Variants in PLXDC2 observed in about 807,000 individuals in gnomAD.
PLXDC2 encodes the protein plexin domain containing 2.
A neutral mutation model predicts 68.9 loss-of-function variants in PLXDC2; 40 were observed. That is an observed-to-expected ratio of 0.58 (90% CI 0.45 to 0.76). PLXDC2 has a LOEUF of 0.76. Ranked by LOEUF, PLXDC2 falls within the 30% of genes least tolerant of loss-of-function variation. PLXDC2 has a pLI of 0.00. For missense variants in PLXDC2, 644 were observed against 661.9 expected (o/e 0.97, Z 0.30); for synonymous variants, 243 against 234.2 (o/e 1.04, Z -0.34).
At chr10:19,819,573 A>G (rs1027489193) in intron 1 of PLXDC2, among the ~76,000 whole-genome samples, 2 of 152,264 alleles carry the variant, frequency 1.3e-5, no homozygotes, top group Admixed American at 6.5e-5. Context: ...ATCTGATTTC[A>G]TAACAGGGAC....
chr10:20,047,196 A>G (rs1245930527), intron 3 of PLXDC2, among the ~76,000 whole-genome samples, 181 bp downstream of exon 3: 1 of 152,182 alleles, frequency 6.6e-6, no homozygotes, highest in African/African-American at 2.4e-5. Context: ...TACTGCATAT[A>G]AGATATTAAA....
At chr10:19,910,591 C>CT (rs1006322581) in intron 1 of PLXDC2, among the ~76,000 whole-genome samples, 6,257 of 92,302 alleles carry the variant, frequency 0.068, 376 homozygotes, top group African/African-American at 0.15. Context: ...TAAGTGGTTG[C>CT]TTTTTTTTTT....
At chr10:19,949,074 C>T (rs1051843741) in intron 1 of PLXDC2, among the ~76,000 whole-genome samples, 4 of 128,874 alleles carry the variant, frequency 3.1e-5, no homozygotes, top group Admixed American at 2.7e-4. Flanking sequence ...TTGCAGTGAA[C>T]CAAGATTGCA....
intron 11 of PLXDC2, among the ~76,000 whole-genome samples, chr10:20,218,595 T>C (rs976928340): frequency 6.6e-6 from 1 of 152,128 alleles, no homozygotes; most frequent in Non-Finnish European, 1.5e-5. Flanking sequence ...TTATATAGAA[T>C]TTTGGTCATC....
At chr10:20,178,649 C>T (rs1378027682) in intron 9 of PLXDC2, among the ~76,000 whole-genome samples, 1 of 152,086 alleles carries the variant, frequency 6.6e-6, no homozygotes, top group Admixed American at 6.6e-5. Context: ...TAAAGACATG[C>T]TCCAGGAATA....
chr10:19,970,460 T>A (rs939538002), intron 1 of PLXDC2, among the ~76,000 whole-genome samples: 5 of 152,218 alleles, frequency 3.3e-5, no homozygotes, highest in Non-Finnish European at 2.9e-5. Context: ...ATAACTGTCA[T>A]GTGAACTTAA....
intron 1 of PLXDC2, among the ~76,000 whole-genome samples, chr10:19,899,065 A>G (rs1838115130): frequency 6.6e-6 from 1 of 152,230 alleles, no homozygotes. Flanking sequence ...AACCACATGT[A>G]GAATTCACTC....
intron 2 of PLXDC2, among the ~76,000 whole-genome samples, chr10:20,035,648 A>T (rs1835564895): frequency 6.6e-6 from 1 of 152,102 alleles, no homozygotes. Context: ...GTGAGCCAAG[A>T]TTGCACCACA....
At chr10:20,257,871 T>C (rs1835761416) in intron 13 of PLXDC2, among the ~76,000 whole-genome samples, 1 of 152,128 alleles carries the variant, frequency 6.6e-6, no homozygotes, top group African/African-American at 2.4e-5. Flanking sequence ...AACAAATTTC[T>C]TAAATTTTTA....
At chr10:19,878,983 G>C (rs1051182100) in intron 1 of PLXDC2, among the ~76,000 whole-genome samples, 2 of 152,130 alleles carry the variant, frequency 1.3e-5, no homozygotes, top group Non-Finnish European at 2.9e-5. Flanking sequence ...TTTTAGCTTA[G>C]TCTAATCCCA....
chr10:20,187,912 A>T (rs1034090242), intron 9 of PLXDC2, among the ~76,000 whole-genome samples: 1 of 151,850 alleles, frequency 6.6e-6, no homozygotes, highest in African/African-American at 2.4e-5. Context: ...TAAACTGTAA[A>T]CTATTTTTGA....
At chr10:19,854,589 G>T (rs2131329316) in intron 1 of PLXDC2, among the ~76,000 whole-genome samples, 1 of 152,276 alleles carries the variant, frequency 6.6e-6, no homozygotes, top group Non-Finnish European at 1.5e-5. Flanking sequence ...GTAGACGCAA[G>T]ACCTAGATTT....
chr10:20,040,582 C>T (rs1203715979), intron 2 of PLXDC2, among the ~76,000 whole-genome samples: 1 of 152,132 alleles, frequency 6.6e-6, no homozygotes, highest in Non-Finnish European at 1.5e-5. Flanking sequence ...CTTTCCATTG[C>T]AGGGTGGCCA....
intron 4 of PLXDC2, among the ~76,000 whole-genome samples, chr10:20,102,618 A>C (rs538228483): frequency 6.6e-6 from 1 of 152,314 alleles, no homozygotes; most frequent in South Asian, 2.1e-4. Flanking sequence ...GGGTGGTTTT[A>C]AGGATTTTGG....
intron 4 of PLXDC2, among the ~76,000 whole-genome samples, chr10:20,084,880 GA>G (rs11315173): frequency 0.47 from 65,610 of 139,878 alleles, 17,154 homozygotes; most frequent in African/African-American, 0.74. Context: ...CGTGGCAGAG[GA>G]AAAAAAAAAA....
chr10:19,937,272 A>C (rs1480512649), intron 1 of PLXDC2, among the ~76,000 whole-genome samples: 1 of 152,076 alleles, frequency 6.6e-6, no homozygotes, highest in African/African-American at 2.4e-5. Context: ...GGATGGTCTT[A>C]GTCCCACATC....
chr10:20,166,778 A>G (rs1834381999), intron 7 of PLXDC2, among the ~76,000 whole-genome samples: 1 of 152,182 alleles, frequency 6.6e-6, no homozygotes, highest in South Asian at 2.1e-4. Flanking sequence ...TTATGTTGGT[A>G]TATTCCCAAT....
chr10:20,224,619 T>G (rs9633644), intron 12 of PLXDC2, among the ~76,000 whole-genome samples: 35,255 of 151,984 alleles, frequency 0.23, 4,100 homozygotes, highest in East Asian at 0.26. Flanking sequence ...AATTGAAAAC[T>G]AAAGTCTTCA....
chr10:20,061,978 C>G (rs1047824571), intron 3 of PLXDC2, among the ~76,000 whole-genome samples: 1 of 152,162 alleles, frequency 6.6e-6, no homozygotes, highest in African/African-American at 2.4e-5. Context: ...TTTTAAAGAA[C>G]TATTGCTAGA....
Sources: allele counts gnomAD v4.1 joint callset (sites outside exome capture counted in the v4.1 genomes callset), GRCh38; gene constraint gnomAD v4.1.1; transcripts MANE v1.5; gene names NCBI Gene and HGNC (gene_info 2026-07-23, HGNC 2026-07-21).